The following GLG1 variants were observed in gnomAD, a reference collection of about 807,000 sequenced individuals.
GLG1 encodes golgi glycoprotein 1, also known as Golgi apparatus protein 1.
Under a neutral mutation model 160.5 loss-of-function variants are expected in GLG1, and 38 were observed. The ratio of observed to expected loss-of-function variants is 0.24; its 90% confidence interval spans 0.18 to 0.31. The LOEUF is 0.31. Ranked by LOEUF, GLG1 falls within the 10% of genes least tolerant of loss-of-function variation. The pLI, the probability that GLG1 is intolerant of heterozygous loss-of-function variation, is 1.00. For missense variants in GLG1, 1,373 were observed against 1,505.2 expected, an observed-to-expected ratio of 0.91 and a Z score of 1.45; for synonymous variants, 644 against 543.4, an observed-to-expected ratio of 1.19 and a Z score of -2.57.
intron 1 of GLG1, among the ~76,000 whole-genome samples, chr16:74,605,404 A>G (rs1046977856): frequency 2.6e-5 from 4 of 152,186 alleles, no homozygotes; most frequent in African/African-American, 4.8e-5. Context: ...TTAGGATCCT[A>G]GTTTGATGAA....
intron 2 of GLG1, among the ~76,000 whole-genome samples, chr16:74,511,006 G>A (rs1002865074): frequency 6.6e-6 from 1 of 152,118 alleles, no homozygotes; most frequent in Non-Finnish European, 1.5e-5. Flanking sequence ...AGATGACACC[G>A]CATCCATGGA....
intron 1 of GLG1, among the ~76,000 whole-genome samples, chr16:74,551,987 G>A (rs1160139754): frequency 6.6e-6 from 1 of 151,628 alleles, no homozygotes; most frequent in East Asian, 1.9e-4. Flanking sequence ...TCCTACCGAA[G>A]AGTTAAGTTT....
chr16:74,561,718 T>C (rs1298885796), intron 1 of GLG1, among the ~76,000 whole-genome samples: 1 of 152,176 alleles, frequency 6.6e-6, no homozygotes, highest in Non-Finnish European at 1.5e-5. Context: ...GAATTGGAGA[T>C]ACAAAATTGG....
At chr16:74,471,124 C>A (rs1271080896) in intron 15 of GLG1, 49 bp downstream of exon 15, 2 of 965,810 alleles carry the variant, frequency 2.1e-6, no homozygotes, top group South Asian at 2.6e-5. Context: ...AGGATTCAGT[C>A]AACATCCAGG....
chr16:74,521,800 C>G (rs1163766033), intron 2 of GLG1, among the ~76,000 whole-genome samples: 2 of 152,178 alleles, frequency 1.3e-5, no homozygotes, highest in East Asian at 3.9e-4. Flanking sequence ...ATGGAGCCAT[C>G]TGGAGGCATT....
intron 2 of GLG1, among the ~76,000 whole-genome samples, chr16:74,531,705 T>C (rs1441737422): frequency 2.6e-5 from 4 of 152,232 alleles, no homozygotes; most frequent in Admixed American, 1.3e-4. Context: ...GTCTTCTGTA[T>C]AGACTTCTAC....
chr16:74,499,391 C>T (rs2143433679), intron 4 of GLG1, among the ~76,000 whole-genome samples: 1 of 152,304 alleles, frequency 6.6e-6, no homozygotes, highest in African/African-American at 2.4e-5. Flanking sequence ...GAAGCACACA[C>T]CACCACCCTC....
intron 7 of GLG1, 96 bp downstream of exon 7, chr16:74,492,861 A>C: frequency 3.1e-6 from 2 of 635,940 alleles, no homozygotes; most frequent in Non-Finnish European, 4.8e-6. Context: ...AAAGAAGCAA[A>C]TATGGGAGGA....
intron 4 of GLG1, among the ~76,000 whole-genome samples, chr16:74,499,259 G>C (rs183796414): frequency 6.6e-6 from 1 of 152,140 alleles, no homozygotes; most frequent in Non-Finnish European, 1.5e-5. Flanking sequence ...ATTTATTTAA[G>C]AGACAGGGTC....
chr16:74,477,898 G>A (rs953026443), intron 11 of GLG1, among the ~76,000 whole-genome samples: 6 of 151,596 alleles, frequency 4.0e-5, no homozygotes, highest in African/African-American at 9.7e-5. Context: ...GCTTGAACCC[G>A]GGAGGTGGAC....
rs756981724 is a variant in GLG1, at chr16:74,458,007, G to A, written c.3145-13C>T. 6.3e-5 allele frequency: 101 copies of A among 1,612,726 alleles called. No individual in the cohort carries two copies. The highest frequency in any genetic ancestry group is 8.0e-5 in the Non-Finnish European group (94 of 1,178,982). On this transcript the variant is annotated splice_polypyrimidine_tract_variant and intron_variant, in intron 23 of 25. Transcript: ENST00000422840. ...TGTTTAGCACTTCCTGGAAAGGGAGGGTCATTGCAGACAGAGCTTTTGAAG... is the reference window on the plus strand; with the variant it reads ...TGTTTAGCACTTCCTGGAAAGGGAGAGTCATTGCAGACAGAGCTTTTGAAG...
chr16:74,582,587 A>G (rs1428385379), intron 1 of GLG1, among the ~76,000 whole-genome samples: 1 of 151,642 alleles, frequency 6.6e-6, no homozygotes, highest in Non-Finnish European at 1.5e-5. Context: ...TTGGGAGGCC[A>G]AGGCAGGCGG....
chr16:74,474,346 G>A (rs2015324230), intron 13 of GLG1, 200 bp downstream of exon 13: 1 of 570,436 alleles, frequency 1.8e-6, no homozygotes, highest in Non-Finnish European at 3.1e-6. Flanking sequence ...ATAGAGTGTT[G>A]TTCTAGAGAA....
chr16:74,540,338 A>C (rs990946722), intron 1 of GLG1, among the ~76,000 whole-genome samples: 27 of 150,070 alleles, frequency 1.8e-4, no homozygotes, highest in African/African-American at 6.4e-4. Context: ...AAAAACATGT[A>C]ATTTTTTTCT....
rs181387878 is a variant in GLG1 at position 74,479,430 on chromosome 16, G to C, written c.1827+811C>G. Among the ~76,000 whole-genome samples the C allele has an allele frequency of 6.1e-4, 90 of 148,142 alleles. 1 individual carries two copies. The highest frequency in any genetic ancestry group is 2.1e-3 in the African/African-American group (84 of 40,350). On this transcript the variant is annotated intron_variant, in intron 11 of 25. Coordinates refer to ENST00000422840, the MANE Select transcript of GLG1 (RefSeq NM_001145667.2). ...TGGGAGCCCCCATGGTTAATGAGAGGCTCATTATATGGAGAGAAAAAAAAA... is the reference window on the plus strand; with the variant it reads ...TGGGAGCCCCCATGGTTAATGAGAGCCTCATTATATGGAGAGAAAAAAAAA...
intron 22 of GLG1, 54 bp from the exon 23 acceptor site, chr16:74,459,843 G>T: frequency 1.2e-6 from 1 of 867,958 alleles, no homozygotes; most frequent in Admixed American, 2.5e-5. Context: ...GAAATGAACT[G>T]ACAGTTTCTT....
chr16:74,477,796 A>T (rs2015440667), intron 11 of GLG1, among the ~76,000 whole-genome samples: 1 of 152,030 alleles, frequency 6.6e-6, no homozygotes, highest in East Asian at 1.9e-4. Context: ...CTACATGGAG[A>T]AACCCTGTCT....
chr16:74,568,610 G>A (rs936317531), intron 1 of GLG1, among the ~76,000 whole-genome samples: 3 of 151,990 alleles, frequency 2.0e-5, no homozygotes, highest in Admixed American at 1.3e-4. Context: ...TAGAGACGGG[G>A]TTTCACCATG....
At chr16:74,550,557 G>A (rs1406239716) in intron 1 of GLG1, among the ~76,000 whole-genome samples, 2 of 152,162 alleles carry the variant, frequency 1.3e-5, no homozygotes, top group African/African-American at 4.8e-5. Flanking sequence ...GCCATGAAAC[G>A]TGATAAGCTC....
Sources: allele counts gnomAD v4.1 joint callset (sites outside exome capture counted in the v4.1 genomes callset), GRCh38; gene constraint gnomAD v4.1.1; transcripts MANE v1.5; gene names NCBI Gene and HGNC (gene_info 2026-07-23, HGNC 2026-07-21).